The following TDRP variants were observed in gnomAD, a reference collection of about 807,000 sequenced individuals.
TDRP encodes the protein testis development-related protein.
A neutral mutation model predicts 10.5 loss-of-function variants in TDRP; 12 were observed. That is an observed-to-expected ratio of 1.15 (90% CI 0.73 to 1.86). TDRP has a LOEUF of 1.86. TDRP is among the 40% of genes most tolerant of loss of function. The pLI, the probability that TDRP is intolerant of heterozygous loss-of-function variation, is 0.00. For synonymous variants in TDRP, 139 were observed against 95.4 expected, an observed-to-expected ratio of 1.46 and a Z score of -2.67; for missense variants, 353 against 229.2, an observed-to-expected ratio of 1.54 and a Z score of -3.49.
intron 1 of TDRP, among the ~76,000 whole-genome samples, chr8:514,673 C>T (rs1214162061): frequency 6.6e-6 from 1 of 152,192 alleles, no homozygotes; most frequent in East Asian, 1.9e-4. Context: ...GCCCTCTCTC[C>T]ACTACCAGTC....
intron 1 of TDRP, among the ~76,000 whole-genome samples, chr8:520,547 G>C (rs571153457): frequency 6.6e-6 from 1 of 152,104 alleles, no homozygotes; most frequent in Non-Finnish European, 1.5e-5. Context: ...CTAAATCATT[G>C]TTACAAGATT....
intron 1 of TDRP, among the ~76,000 whole-genome samples, chr8:535,579 C>G (rs532456211): frequency 5.8e-4 from 89 of 152,160 alleles, no homozygotes; most frequent in Middle Eastern, 3.4e-3. Context: ...ACTCCTAAGA[C>G]AAGGCTGATG....
At chr8:532,211 G>A (rs926898022) in intron 1 of TDRP, among the ~76,000 whole-genome samples, 5 of 152,196 alleles carry the variant, frequency 3.3e-5, no homozygotes, top group African/African-American at 1.2e-4. Context: ...CATCCAGGAA[G>A]GTGCCTGTGT....
At position 491,910 on chromosome 8, in the gene TDRP, T is replaced by C. The variant is rs1026896493; in HGVS notation, c.*489A>G. 5 of 1,148,508 alleles carry C rather than the reference T, an allele frequency of 4.4e-6. No homozygotes were observed. The African/African-American group carries it at 6.4e-5, about 15-fold the overall frequency. 71.1% of individuals were successfully genotyped at this position (1,148,508 alleles called of 1,614,324 possible). A position where few individuals can be genotyped will look rare whatever the true frequency, so the allele number is the denominator to read the frequency against. On this transcript the variant is annotated 3_prime_UTR_variant, in exon 3 of 3. Transcript: ENST00000324079. ...TTTGTTTAATAAGAACAAAGTTTAA[T>C]TTGTCAAGTTAAACAAAATTTAACA...
intron 1 of TDRP, among the ~76,000 whole-genome samples, chr8:496,360 C>G (rs1334102520): frequency 2.6e-5 from 4 of 152,220 alleles, no homozygotes; most frequent in Admixed American, 2.6e-4. Flanking sequence ...GCTAACCCAT[C>G]TGGACTCTGG....
At chr8:510,405 C>T (rs1413406482) in intron 1 of TDRP, among the ~76,000 whole-genome samples, 1 of 152,096 alleles carries the variant, frequency 6.6e-6, no homozygotes, top group African/African-American at 2.4e-5. Context: ...ACCTCTGTGC[C>T]AGGAACCACA....
In TDRP at chr8:501,273, C is replaced by G. The variant is rs1339838710; in HGVS notation, c.109-6676G>C. ...GTCAGCTCACTGCATGCCACATAAC[C>G]TGCACCTACCAGTTCAGTCCAGAGT... is the stretch of plus-strand genomic sequence containing the variant. On this transcript the variant is annotated intron_variant, in intron 1 of 2. Coordinates refer to ENST00000324079, the MANE Select transcript of TDRP (RefSeq NM_001384899.1). Among the ~76,000 whole-genome samples the G allele has an allele frequency of 3.9e-5, 6 of 152,260 alleles. No individual in the cohort carries two copies. The East Asian group carries it at 9.7e-4, about 25-fold the overall frequency.
Position 509,515 on chromosome 8 carries a change from G to T in TDRP, c.109-14918C>A, listed in dbSNP as rs146767477. Among the ~76,000 whole-genome samples, 493 of 152,324 alleles carry T rather than the reference G, an allele frequency of 3.2e-3. 3 individuals are homozygous for T. The highest frequency in any genetic ancestry group is 0.011 in the African/African-American group (465 of 41,582). On this transcript the variant is annotated intron_variant, in intron 1 of 2. Coordinates refer to ENST00000324079, the MANE Select transcript of TDRP (RefSeq NM_001384899.1). ...CTTGCACACTCTGAAACAATGGCCTGAGCTGTACCTTGGTACCTTTTCCCC... is the reference window on the plus strand; with the variant it reads ...CTTGCACACTCTGAAACAATGGCCTTAGCTGTACCTTGGTACCTTTTCCCC...
At chr8:542,785 C>A (rs190916697) in intron 1 of TDRP, among the ~76,000 whole-genome samples, 1 of 150,798 alleles carries the variant, frequency 6.6e-6, no homozygotes, top group African/African-American at 2.4e-5. Context: ...ATCACTTGAA[C>A]CCGGGAGGGT....
At chr8:540,664 G>A (rs985861377) in intron 1 of TDRP, among the ~76,000 whole-genome samples, 2 of 152,024 alleles carry the variant, frequency 1.3e-5, no homozygotes, top group African/African-American at 4.8e-5. Context: ...AGGGCCCATA[G>A]CCTAAAAAGA....
At chr8:499,245 G>C (rs1485712821) in intron 1 of TDRP, among the ~76,000 whole-genome samples, 1 of 152,120 alleles carries the variant, frequency 6.6e-6, no homozygotes, top group Non-Finnish European at 1.5e-5. Context: ...GTTTTGTTTT[G>C]TTTTTGGAGG....
chr8:540,179 G>A (rs1381713699), intron 1 of TDRP, among the ~76,000 whole-genome samples: 1 of 152,084 alleles, frequency 6.6e-6, no homozygotes, highest in Non-Finnish European at 1.5e-5. Flanking sequence ...TTAGAAGACG[G>A]CTCAGCAACC....
rs940736529 is a variant in TDRP at position 492,036 on chromosome 8, A to T, written c.*363T>A. On this transcript the variant is annotated 3_prime_UTR_variant, in exon 3 of 3. Transcript: ENST00000324079. ...TACGTGCTACATACAAGAAAAAGGT[A>T]CGGAAGTTCTGAAACAGAACTACAA... 3 of 1,118,198 alleles carry T rather than the reference A, an allele frequency of 2.7e-6. No individual in the cohort carries two copies. The African/African-American group carries it at 4.9e-5, about 18-fold the overall frequency. 69.3% of individuals were successfully genotyped at this position (1,118,198 alleles called of 1,614,324 possible).
chr8:513,348 A>T (rs1265514902), intron 1 of TDRP, among the ~76,000 whole-genome samples: 1 of 152,170 alleles, frequency 6.6e-6, no homozygotes, highest in African/African-American at 2.4e-5. Context: ...CTCAGGAAAG[A>T]AAGGTTAGCT....
intron 1 of TDRP, among the ~76,000 whole-genome samples, chr8:530,556 T>C (rs748137531): frequency 1.4e-4 from 21 of 152,154 alleles, no homozygotes; most frequent in Non-Finnish European, 2.9e-4. Flanking sequence ...AAACCTTTTC[T>C]GGGGATGAAT....
chr8:540,404 C>G (rs570937843), intron 1 of TDRP, among the ~76,000 whole-genome samples: 2 of 151,860 alleles, frequency 1.3e-5, no homozygotes, highest in African/African-American at 4.9e-5. Flanking sequence ...ACCTATGTAT[C>G]TGCATAAATG....
intron 1 of TDRP, among the ~76,000 whole-genome samples, chr8:501,498 C>A (rs1337409068): frequency 6.6e-6 from 1 of 151,858 alleles, no homozygotes; most frequent in Admixed American, 6.6e-5. Flanking sequence ...AGGCGATGGC[C>A]ACCACACCCA....
At chr8:506,687 G>C (rs1801474126) in intron 1 of TDRP, among the ~76,000 whole-genome samples, 1 of 152,196 alleles carries the variant, frequency 6.6e-6, no homozygotes, top group African/African-American at 2.4e-5. Flanking sequence ...CACTCGGAGA[G>C]CAGCTTGCCT....
chr8:542,426 G>A (rs1802519534), intron 1 of TDRP, among the ~76,000 whole-genome samples: 1 of 152,110 alleles, frequency 6.6e-6, no homozygotes, highest in South Asian at 2.1e-4. Context: ...GCACCATTCT[G>A]TGGGGGTGAT....
Sources: allele counts gnomAD v4.1 joint callset (sites outside exome capture counted in the v4.1 genomes callset), GRCh38; gene constraint gnomAD v4.1.1; transcripts MANE v1.5; gene names NCBI Gene and HGNC (gene_info 2026-07-23, HGNC 2026-07-21).